Variants in SMTNL2 observed in about 807,000 individuals in gnomAD.
SMTNL2 encodes smoothelin-like protein 2.
In SMTNL2, 43 loss-of-function variants were observed where a neutral mutation model predicts 44.1. The observed-to-expected ratio is 0.98, with a 90% CI of 0.76 to 1.26. The LOEUF (loss-of-function observed/expected upper bound fraction) is 1.26, where lower values mean the gene tolerates loss of function less well. Among genes scored for constraint, SMTNL2 ranks in the 50% most tolerant of loss-of-function variants. SMTNL2 has a pLI of 0.00. For missense variants in SMTNL2, 646 were observed against 670.2 expected, an observed-to-expected ratio of 0.96 and a Z score of 0.40; for synonymous variants, 317 against 287.6, an observed-to-expected ratio of 1.10 and a Z score of -1.03.
At chr17:4,589,986 A>T (rs1314462978) in intron 1 of SMTNL2, among the ~76,000 whole-genome samples, 9 of 83,582 alleles carry the variant, frequency 1.1e-4, no homozygotes, top group East Asian at 4.2e-4. Context: ...TTTTTTTTTG[A>T]GACAGAGTCT....
At chr17:4,597,441 G>T in intron 7 of SMTNL2, 118 bp downstream of exon 7, 1 of 1,399,432 alleles carries the variant, frequency 7.1e-7, no homozygotes. Flanking sequence ...AAAGCTGAAG[G>T]ACCCTGGGGC....
At chr17:4,606,493 C>A (rs1026519808) in intron 7 of SMTNL2, among the ~76,000 whole-genome samples, 1 of 151,722 alleles carries the variant, frequency 6.6e-6, no homozygotes, top group African/African-American at 2.4e-5. Context: ...TACTGTGGGT[C>A]GCCTGTGCCT....
intron 1 of SMTNL2, among the ~76,000 whole-genome samples, chr17:4,587,917 C>A (rs1909408828): frequency 6.6e-6 from 1 of 152,232 alleles, no homozygotes. Context: ...TGGGCCAGAG[C>A]TGTGGCCTGG....
At position 4,587,440 on chromosome 17, in the gene SMTNL2, G is replaced by A. The variant is rs576588873; in HGVS notation, c.399+2436G>A. 2.0e-5 allele frequency among the ~76,000 whole-genome samples: 3 copies of A among 152,348 alleles called. No individual in the cohort carries two copies. In the South Asian group the frequency reaches 6.2e-4, roughly 32 times the overall value. ...CTGTGTGGAGCCATCCCCATGTGCT[G>A]GCTCGTGTCCTGTGACCAGCACGAT... On this transcript the variant is annotated intron_variant, in intron 1 of 7. Coordinates refer to ENST00000389313, the MANE Select transcript of SMTNL2 (RefSeq NM_001114974.2).
Position 4,593,852 on chromosome 17 carries a change from C to A in SMTNL2, c.761C>A (p.Pro254Gln). Residue 254 changes from proline (P) to glutamine (Q), a missense_variant, in exon 4 of 8, where the codon CCA becomes CAA. Physicochemically the swap from Pro to Gln is moderately conservative, Grantham distance 76. Transcript: ENST00000389313. ...EKNSSFTWSV[P>Q]SSGYGAVTAS... ...AATTCCTCTTTCACGTGGTCTGTGCCAAGCTCTGGCTATGGGGCAGTGACA... is the reference window on the plus strand; with the variant it reads ...AATTCCTCTTTCACGTGGTCTGTGCAAAGCTCTGGCTATGGGGCAGTGACA... 6.2e-7 allele frequency: 1 copy of A among 1,614,050 alleles called. No homozygotes were observed. Among genetic ancestry groups the A allele is most frequent in the Non-Finnish European group, 8.5e-7 (1 of 1,180,018 alleles).
At chr17:4,588,675 C>G (rs888046931) in intron 1 of SMTNL2, among the ~76,000 whole-genome samples, 1 of 152,224 alleles carries the variant, frequency 6.6e-6, no homozygotes, top group East Asian at 1.9e-4. Flanking sequence ...CCCAGTCCCC[C>G]GCCTTTTCCT....
chr17:4,584,178 G>T (rs1251144108), upstream of SMTNL2: 4 of 158,608 alleles, frequency 2.5e-5, no homozygotes, highest in Non-Finnish European at 5.5e-5. Flanking sequence ...GGGAGCTGTA[G>T]GTGTCCCCAT....
intron 7 of SMTNL2, among the ~76,000 whole-genome samples, chr17:4,605,151 TG>T (rs1331571923): frequency 1.3e-4 from 18 of 138,390 alleles, no homozygotes; most frequent in African/African-American, 4.8e-4. Flanking sequence ...CTTTTTTGTT[TG>T]GTTTTTTTTT....
intron 7 of SMTNL2, among the ~76,000 whole-genome samples, chr17:4,601,220 G>C (rs1157563533): frequency 6.6e-6 from 1 of 152,186 alleles, no homozygotes; most frequent in Non-Finnish European, 1.5e-5. Flanking sequence ...TTGAGACCAG[G>C]TTGGGCAACG....
rs138474397 is a variant in SMTNL2 at position 4,592,559 on chromosome 17, T to C, written c.487+111T>C. 5.1e-6 allele frequency: 5 copies of C among 984,178 alleles called. No homozygotes were observed. In the Admixed American group the frequency reaches 1.0e-4, roughly 21 times the overall value. 61.0% of individuals were successfully genotyped at this position (984,178 alleles called of 1,614,324 possible). On this transcript the variant is annotated intron_variant, in intron 2 of 7. Coordinates refer to ENST00000389313, the MANE Select transcript of SMTNL2 (RefSeq NM_001114974.2). This position sits in a 1 kb window ranked among gnomAD's most constrained non-coding sequence, Gnocchi z 4.5. ...TTGGCCTGGCATCGGGGGGACTCTA[T>C]CCTGAACCCCAGCAGGGAGAGAGGC...
chr17:4,594,466 A>T (rs1385431038), intron 4 of SMTNL2, among the ~76,000 whole-genome samples: 2 of 150,944 alleles, frequency 1.3e-5, no homozygotes, highest in Admixed American at 6.6e-5. Context: ...TAAATAAATA[A>T]ATAAATAAAT....
At chr17:4,585,181 A>G (rs1597406931) in intron 1 of SMTNL2, among the ~76,000 whole-genome samples, 177 bp downstream of exon 1, 1 of 151,976 alleles carries the variant, frequency 6.6e-6, no homozygotes, top group Admixed American at 6.5e-5. Context: ...GGGCGGGGGG[A>G]GGACCGCTGA....
In SMTNL2 at chr17:4,595,194, GC is replaced by G. The variant is rs1909755506; in HGVS notation, c.858del (p.Ile287Ter). The stretch of plus-strand genomic sequence containing the variant: ...GTCGCCCGTGTCCCCGCAGCCGCCA[GC>G]CATAACTCAGGTCCATCGGCAGGGG... ...PQSPVSPQPPAITQVHRQGER... is the reference protein window; with the variant it reads ...PQSPVSPQPPXITQVHRQGER... On this transcript the variant is annotated frameshift_variant, in exon 5 of 8. Transcript: ENST00000389313. LOFTEE classifies it high-confidence loss of function. The surrounding 1 kb of genome is among the most constrained non-coding windows in gnomAD (Gnocchi z 5.1). The G allele has an allele frequency of 6.2e-7, 1 of 1,613,490 alleles. No homozygotes were observed. The highest frequency in any genetic ancestry group is 8.5e-7 in the Non-Finnish European group (1 of 1,180,020).
chr17:4,584,443 G>T, upstream of SMTNL2: 1 of 705,854 alleles, frequency 1.4e-6, no homozygotes, highest in Non-Finnish European at 1.9e-6. Flanking sequence ...GGGGTGTCCC[G>T]GAGTCGTCCC....
At chr17:4,606,246 C>T (rs903136778) in intron 7 of SMTNL2, among the ~76,000 whole-genome samples, 12 of 151,948 alleles carry the variant, frequency 7.9e-5, no homozygotes, top group African/African-American at 1.2e-4. Flanking sequence ...CTCAGCCTCC[C>T]GAGTAGCTGG....
chr17:4,593,821 GAGA>G lies in SMTNL2; in HGVS notation c.735_737del (p.Lys245del), dbSNP rs772763150. 1.2e-6 allele frequency: 2 copies of G among 1,613,716 alleles called. No individual in the cohort carries two copies. Among genetic ancestry groups the G allele is most frequent in the South Asian group, 1.1e-5 (1 of 91,084 alleles). On this transcript the variant is annotated inframe_deletion and splice_region_variant, in exon 4 of 8. Transcript: ENST00000389313. ...TACTTCTCTCCCTCTCTCTTCCACAGAGAAGAATTCCTCTTTCACGTGGTCTGT... is the reference window on the plus strand; with the variant it reads ...TACTTCTCTCCCTCTCTCTTCCACAGAGAATTCCTCTTTCACGTGGTCTGT...
rs940084417 is a variant in SMTNL2, at chr17:4,593,037, C to T, written c.596C>T (p.Ala199Val). 1 of 1,614,064 alleles carries T rather than the reference C, an allele frequency of 6.2e-7. No homozygotes were observed. The highest frequency in any genetic ancestry group is 2.2e-5 in the East Asian group (1 of 44,888). ...CGGCTGCCCCACCAGCCAGTCACGG[C>T]CATCACCCGAGTCTCTGACAGGTTC... Reference protein sequence around the residue: ...SLRLPHQPVTAITRVSDRFSG... With the variant: ...SLRLPHQPVTVITRVSDRFSG... Residue 199 changes from alanine to valine, a missense_variant, in exon 3 of 8, where the codon GCC (alanine) becomes GTC (valine). Ala to Val is a moderately conservative substitution (Grantham distance 64). Transcript: ENST00000389313.
chr17:4,599,542 G>A (rs72832024), intron 7 of SMTNL2, among the ~76,000 whole-genome samples: 2 of 152,146 alleles, frequency 1.3e-5, no homozygotes, highest in South Asian at 2.1e-4. Flanking sequence ...AGGGTGAGGC[G>A]ACACTGTCTT....
intron 7 of SMTNL2, among the ~76,000 whole-genome samples, chr17:4,606,086 G>T (rs77210589): frequency 1.3e-5 from 2 of 152,154 alleles, no homozygotes; most frequent in South Asian, 4.1e-4. Flanking sequence ...GAGGGCCCTG[G>T]GGGGCTGGGG....
Sources: gnomAD v4.1 joint callset for allele counts (sites outside exome capture counted in the v4.1 genomes callset) on GRCh38, gnomAD v4.1.1 for gene constraint, Gnocchi (gnomAD v3.1) non-coding constraint, MANE v1.5 for transcripts, NCBI Gene and HGNC (gene_info 2026-07-23, HGNC 2026-07-21) for gene names.